LONRF3: variants seen among roughly 807,000 people sequenced by gnomAD.
LONRF3 encodes LON peptidase N-terminal domain and RING finger protein 3.
LONRF3 carries 19 observed loss-of-function variants against 51.7 expected under a neutral mutation model. That is an observed-to-expected ratio of 0.37 (90% CI 0.26 to 0.54). The LOEUF is 0.54. LONRF3 is among the 20% of genes least tolerant of loss of function. The pLI is 0.86. For synonymous variants in LONRF3, 265 were observed against 257.8 expected (o/e 1.03, Z -0.27); for missense variants, 521 against 623.9 (o/e 0.84, Z 1.76).
chrX:119,015,293 T>G (rs1925365668), intron 10 of LONRF3, among the ~76,000 whole-genome samples: 1 of 112,067 alleles, frequency 8.9e-6, no homozygotes, highest in Non-Finnish European at 1.9e-5. Flanking sequence ...TGGTCCTGCT[T>G]ACCTCACTAG....
rs536522926 is a variant in LONRF3 at position 118,985,285 on chromosome X, A to G, written c.1059+2342A>G. ...ATTATGCTCTTTTTGGGAGAATTCC[A>G]AGGATACTGCCTCCTCAGAACTGGC... On this transcript the variant is annotated intron_variant, in intron 3 of 10. Coordinates refer to ENST00000371628, the MANE Select transcript of LONRF3 (RefSeq NM_001031855.3). Among the ~76,000 whole-genome samples the G allele has an allele frequency of 2.2e-3, 245 of 111,799 alleles. 2 individuals carry two copies. Among genetic ancestry groups the G allele is most frequent in the African/African-American group, 7.4e-3 (228 of 30,749 alleles).
intron 7 of LONRF3, among the ~76,000 whole-genome samples, chrX:119,011,554 G>A (rs1467507215): frequency 8.9e-6 from 1 of 112,356 alleles, no homozygotes; most frequent in Non-Finnish European, 1.9e-5. Context: ...AAATTAAAAT[G>A]TGTAGAATGC....
At chrX:119,004,474 C>T (rs1046549112) in intron 5 of LONRF3, among the ~76,000 whole-genome samples, 1 of 112,385 alleles carries the variant, frequency 8.9e-6, no homozygotes. Context: ...AGTAAGTTTG[C>T]CTATGCAGAG....
At chrX:119,015,979 A>C (rs1925421653) in intron 10 of LONRF3, among the ~76,000 whole-genome samples, 1 of 112,292 alleles carries the variant, frequency 8.9e-6, no homozygotes, top group African/African-American at 3.2e-5. Context: ...CATCAGTCTA[A>C]TATTCAGAAC....
At chrX:118,989,953 A>G (rs1013596646) in intron 4 of LONRF3, among the ~76,000 whole-genome samples, 4 of 112,160 alleles carry the variant, frequency 3.6e-5, no homozygotes, top group Non-Finnish European at 5.6e-5. Flanking sequence ...TCCCATACCC[A>G]TGGGGATGCC....
chrX:118,987,571 T>G (rs1210292435), intron 3 of LONRF3, among the ~76,000 whole-genome samples: 1 of 104,212 alleles, frequency 9.6e-6, no homozygotes, highest in Non-Finnish European at 1.9e-5. Context: ...TAGGATACAT[T>G]TTTTTCCAGT....
At chrX:118,989,124 T>C (rs764953995) in intron 3 of LONRF3, among the ~76,000 whole-genome samples, 20 of 111,146 alleles carry the variant, frequency 1.8e-4, no homozygotes, top group Non-Finnish European at 3.8e-4. Flanking sequence ...ATTTCCCCTT[T>C]TTACACCTGC....
intron 6 of LONRF3, among the ~76,000 whole-genome samples, 163 bp downstream of exon 6, chrX:119,006,398 CTTTTTT>C (rs1042593971): frequency 1.2e-5 from 1 of 86,743 alleles, no homozygotes; most frequent in Non-Finnish European, 2.2e-5. Context: ...CTCCTGTCTT[CTTTTTT>C]TTTTTTTTTT....
rs2147314320 is a variant in LONRF3, at chrX:119,018,173, T to C, written c.*483T>C. 8.9e-6 allele frequency: 1 copy of C among 112,799 alleles called. No individual in the cohort carries two copies. The highest frequency in any genetic ancestry group is 3.2e-5 in the African/African-American group (1 of 31,029). The allele number at this position is 112,799 out of a possible 1,213,427, so 9.3% of individuals were successfully genotyped here. ...CTTCTTTCTGTTTTAATAATTTATT[T>C]TTTGCACTACTGTATCCTTTTTTCT... On this transcript the variant is annotated 3_prime_UTR_variant, in exon 11 of 11. Transcript: ENST00000371628.
chrX:118,974,631 G>C lies in LONRF3; in HGVS notation c.-150G>C, dbSNP rs1206619393. ...GACAAGACAGTTATTAGGCGGCGCG[G>C]GGCGGCCGGCATGGAGCTCCCGGAG... On this transcript the variant is annotated 5_prime_UTR_variant, in exon 1 of 11. Transcript: ENST00000371628. 2 of 470,048 alleles carry C rather than the reference G, an allele frequency of 4.3e-6. No individual in the cohort carries two copies. The highest frequency in any genetic ancestry group is 7.3e-6 in the Non-Finnish European group (2 of 273,536). The allele number at this position is 470,048 out of a possible 1,213,427, so 38.7% of individuals were successfully genotyped here.
At position 118,974,857 on chromosome X, in the gene LONRF3, G is replaced by T. The variant is rs1331484301; in HGVS notation, c.77G>T (p.Arg26Leu). The T allele has an allele frequency of 8.3e-7, 1 of 1,207,572 alleles. No homozygotes were observed. Among genetic ancestry groups the T allele is most frequent in the Non-Finnish European group, 1.1e-6 (1 of 893,923 alleles). ...AGCGACAACTTGGAGTCGGCGGAGC[G>T]AGGGGCATCAGCGGCCCAAGTAGAC... ...VSSDNLESAE[R>L]GASAAQVDMG... The change falls in exon 1 of 11, where the codon CGA (arginine) becomes CTA (leucine). Residue 26 changes from arginine (R) to leucine (L), a missense_variant. Arg to Leu is a moderately radical substitution (Grantham distance 102). Transcript: ENST00000371628.
intron 9 of LONRF3, 25 bp downstream of exon 9, chrX:119,013,226 C>T (rs371628294): frequency 6.4e-5 from 75 of 1,180,386 alleles, no homozygotes; most frequent in Non-Finnish European, 8.3e-5. Context: ...TGCCAAGAAT[C>T]CCAAAGCCAG....
chrX:118,989,616 A>T lies in LONRF3; in HGVS notation c.1268A>T (p.His423Leu). 1.7e-6 allele frequency: 2 copies of T among 1,211,257 alleles called. No homozygotes were observed. The highest frequency in any genetic ancestry group is 2.2e-6 in the Non-Finnish European group (2 of 895,265). Residue 423 changes from histidine (H) to leucine (L), a missense_variant, in exon 4 of 11, where the codon CAT (histidine) becomes CTT (leucine). His to Leu is a moderately conservative substitution (Grantham distance 99). This residue lies in a region of LONRF3 where 376 missense variants were observed against 376.7 expected (regional missense o/e 1.00). Coordinates refer to ENST00000371628, the MANE Select transcript of LONRF3 (RefSeq NM_001031855.3). ...AAATGCCAGGAAAAGAAAAGGAAACATTGCCAGATTGAATCCCAAGAAGAA... is the reference window on the plus strand; with the variant it reads ...AAATGCCAGGAAAAGAAAAGGAAACTTTGCCAGATTGAATCCCAAGAAGAA... The part of the protein sequence containing the change: ...TGKCQEKKRK[H>L]CQIESQEETG...
intron 3 of LONRF3, among the ~76,000 whole-genome samples, chrX:118,984,020 A>G (rs1440472624): frequency 8.9e-6 from 1 of 112,156 alleles, no homozygotes; most frequent in Non-Finnish European, 1.9e-5. Context: ...AGTGTAGTCC[A>G]TGATGTAATG....
chrX:119,005,627 A>C (rs190805949), intron 5 of LONRF3, among the ~76,000 whole-genome samples: 1 of 112,156 alleles, frequency 8.9e-6, no homozygotes, highest in South Asian at 3.7e-4. Context: ...CATTGCTTAG[A>C]CGAAAAGAGG....
At chrX:119,014,125 C>G in intron 9 of LONRF3, 82 bp from the exon 10 acceptor site, 1 of 1,032,245 alleles carries the variant, frequency 9.7e-7, no homozygotes, top group East Asian at 3.1e-5. Flanking sequence ...GATGGATGCT[C>G]AAAGCGAATC....
At chrX:119,006,336 C>T in intron 6 of LONRF3, 101 bp downstream of exon 6, 1 of 514,213 alleles carries the variant, frequency 1.9e-6, no homozygotes, top group Non-Finnish European at 3.2e-6. Flanking sequence ...TCAACTGGAC[C>T]CCCAGCCACG....
At chrX:118,987,212 T>C (rs1923042905) in intron 3 of LONRF3, 3 of 485,948 alleles carry the variant, frequency 6.2e-6, no homozygotes, top group Non-Finnish European at 6.7e-6. Context: ...GTGGTTCTGT[T>C]CTTTGCAAAG....
intron 6 of LONRF3, 59 bp downstream of exon 6, chrX:119,006,294 A>G (rs1924699060): frequency 1.1e-6 from 1 of 907,063 alleles, no homozygotes; most frequent in Non-Finnish European, 1.6e-6. Flanking sequence ...TGTTTTGTTT[A>G]GTTTATTTGG....
Sources: gnomAD v4.1 joint callset for allele counts (sites outside exome capture counted in the v4.1 genomes callset) on GRCh38, gnomAD v4.1.1 for gene constraint, gnomAD v4.1.1 regional missense constraint, MANE v1.5 for transcripts, NCBI Gene and HGNC (gene_info 2026-07-23, HGNC 2026-07-21) for gene names.